Variants in P2RX7 observed in about 807,000 individuals in gnomAD.
The protein encoded by P2RX7 is P2X purinoceptor 7.
P2RX7 carries 62 observed loss-of-function variants against 71.6 expected under a neutral mutation model. The observed-to-expected ratio is 0.87, with a 90% CI of 0.71 to 1.07. P2RX7 has a LOEUF of 1.07. Among genes scored for constraint, P2RX7 ranks in the 50% least tolerant of loss-of-function variants. The pLI, the probability that P2RX7 is intolerant of heterozygous loss-of-function variation, is 0.00. For synonymous variants in P2RX7, 299 were observed against 283.3 expected, an observed-to-expected ratio of 1.06 and a Z score of -0.56; for missense variants, 686 against 748.5, an observed-to-expected ratio of 0.92 and a Z score of 0.97.
chr12:121,180,765 C>G (rs56297690), intron 12 of P2RX7, among the ~76,000 whole-genome samples: 9,978 of 152,030 alleles, frequency 0.066, 509 homozygotes, highest in Non-Finnish European at 0.094. Flanking sequence ...GAGTTCGAGA[C>G]CAACCTAGCC....
chr12:121,142,784 G>A (rs963572432), intron 1 of P2RX7, among the ~76,000 whole-genome samples: 10 of 152,036 alleles, frequency 6.6e-5, no homozygotes, highest in Admixed American at 4.6e-4. Flanking sequence ...GGGTCATCTC[G>A]CCATCTCAAA....
Position 121,184,729 on chromosome 12 carries a change from G to C in P2RX7, c.1715G>C (p.Cys572Ser), listed in dbSNP as rs201354934. 1.3e-4 allele frequency: 195 copies of C among 1,559,240 alleles called. 1 individual carries two copies. Among genetic ancestry groups the C allele is most frequent in the Non-Finnish European group, 1.6e-4 (189 of 1,151,174 alleles). ...GCTGACTTTGCCATCCTGCCCAGCT[G>C]CTGCCGCTGGAGGATCCGGAAAGAG... ...DMADFAILPS[C>S]CRWRIRKEFP... Residue 572 changes from cysteine (C) to serine (S), a missense_variant, in exon 13 of 13, where the codon TGC becomes TCC. Coordinates refer to ENST00000328963, the MANE Select transcript of P2RX7 (RefSeq NM_002562.6).
intron 1 of P2RX7, among the ~76,000 whole-genome samples, chr12:121,136,609 A>G (rs1873733287): frequency 6.7e-6 from 1 of 150,260 alleles, no homozygotes; most frequent in Non-Finnish European, 1.5e-5. Flanking sequence ...GGCATGAGCC[A>G]CTTTGTCTGG....
intron 1 of P2RX7, among the ~76,000 whole-genome samples, chr12:121,141,148 A>G (rs953281566): frequency 7.2e-5 from 11 of 152,236 alleles, no homozygotes; most frequent in African/African-American, 2.7e-4. Context: ...GCCTACTACC[A>G]TCTATCCGCA....
At chr12:121,171,610 A>T (rs1882206934) in intron 8 of P2RX7, among the ~76,000 whole-genome samples, 1 of 152,048 alleles carries the variant, frequency 6.6e-6, no homozygotes, top group Non-Finnish European at 1.5e-5. Context: ...TATCACAGCC[A>T]CTAGGGATTA....
Position 121,165,350 on chromosome 12 carries a change from C to G in P2RX7, c.534-7C>G, listed in dbSNP as rs757259743. On this transcript the variant is annotated splice_region_variant and splice_polypyrimidine_tract_variant and intron_variant, in intron 5 of 12. Transcript: ENST00000328963. ...ACTAATGGCCATTTTGCATGTCTCT[C>G]TCCCAGGCCTGCTCTCTTGAACAGT... The G allele has an allele frequency of 1.2e-6, 2 of 1,613,286 alleles. No homozygotes were observed. The highest frequency in any genetic ancestry group is 2.2e-5 in the South Asian group (2 of 91,070).
chr12:121,154,673 A>G lies in P2RX7; in HGVS notation c.126-112A>G. 1 of 762,464 alleles carries G rather than the reference A, an allele frequency of 1.3e-6. No homozygotes were observed. Among genetic ancestry groups the G allele is most frequent in the South Asian group, 1.4e-5 (1 of 69,484 alleles). The allele number at this position is 762,464 out of a possible 1,614,324, so 47.2% of individuals were successfully genotyped here. On this transcript the variant is annotated intron_variant, in intron 1 of 12. Transcript: ENST00000328963. The surrounding 1 kb of genome is among the most constrained non-coding windows in gnomAD (Gnocchi z 4.2). The stretch of plus-strand genomic sequence containing the variant: ...AGGGAAAACAAGTCACACGGAAGCA[A>G]GTCACGCAGCAGAGCTAGGATTGGA...
At position 121,163,327 on chromosome 12, in the gene P2RX7, T is replaced by TACACACACACACAC. The variant is rs113687409; in HGVS notation, c.533+824_533+837dup. Reference sequence around the variant, plus strand: ...AGGTAAGCCCCATGCATGCCTGGCTTACACACACACACACACACACACACA... The same window carrying TACACACACACACAC: ...AGGTAAGCCCCATGCATGCCTGGCTTACACACACACACACACACACACACACACACACACACACA... On this transcript the variant is annotated intron_variant, in intron 5 of 12. Transcript: ENST00000328963. Among the ~76,000 whole-genome samples the TACACACACACACAC allele has an allele frequency of 2.4e-4, 35 of 145,306 alleles. 1 individual carries two copies. The highest frequency in any genetic ancestry group is 8.5e-4 in the African/African-American group (33 of 39,028).
intron 8 of P2RX7, among the ~76,000 whole-genome samples, chr12:121,169,624 G>T (rs1451144867): frequency 2.0e-5 from 3 of 152,166 alleles, no homozygotes; most frequent in Non-Finnish European, 4.4e-5. Flanking sequence ...ACTTGAGACA[G>T]GCCAGGTGCG....
Position 121,165,453 on chromosome 12 carries a change from G to C in P2RX7, c.614+16G>C, listed in dbSNP as rs772496191. On this transcript the variant is annotated intron_variant, in intron 6 of 12. Transcript: ENST00000328963. ...ACTACACCACGTAAGTGCCCAGGCT[G>C]CCTGGCTGTCTTAGTTATCTACTGC... The C allele has an allele frequency of 6.2e-7, 1 of 1,605,492 alleles. No individual in the cohort carries two copies. The highest frequency in any genetic ancestry group is 2.2e-5 in the East Asian group (1 of 44,854).
At position 121,154,813 on chromosome 12, in the gene P2RX7, C is replaced by T; in HGVS notation, c.154C>T (p.Gln52Ter). 1 of 1,613,934 alleles carries T rather than the reference C, an allele frequency of 6.2e-7. No homozygotes were observed. Among genetic ancestry groups the T allele is most frequent in the Non-Finnish European group, 8.5e-7 (1 of 1,179,784 alleles). Residue 52 changes from glutamine (Q) to a stop codon, truncating the protein, a stop_gained, in exon 2 of 13, where the codon CAG becomes TAG. Transcript: ENST00000328963. LOFTEE classifies it high-confidence loss of function. The surrounding 1 kb of genome is among the most constrained non-coding windows in gnomAD (Gnocchi z 4.2). ...TGCTCTGGTGAGTGACAAGCTGTAC[C>T]AGCGGAAAGAGCCTGTCATCAGTTC... ...CFALVSDKLY[Q>*]RKEPVISSVH...
intron 3 of P2RX7, 71 bp from the exon 4 acceptor site, chr12:121,160,831 A>T: frequency 8.2e-7 from 1 of 1,225,058 alleles, no homozygotes; most frequent in Non-Finnish European, 1.2e-6. Context: ...TCTGGTGGAT[A>T]TCGAATCACT....
chr12:121,169,307 A>G (rs1881710562), intron 8 of P2RX7, among the ~76,000 whole-genome samples: 1 of 151,982 alleles, frequency 6.6e-6, no homozygotes, highest in South Asian at 2.1e-4. Context: ...GTGCTTTTTC[A>G]AAGTCATCTA....
chr12:121,178,403 A>C (rs1250351167), intron 11 of P2RX7, among the ~76,000 whole-genome samples: 5 of 152,220 alleles, frequency 3.3e-5, no homozygotes. Flanking sequence ...TAAATGCTTT[A>C]TCTATTAACT....
intron 1 of P2RX7, among the ~76,000 whole-genome samples, chr12:121,138,306 T>C (rs1281081352): frequency 6.6e-6 from 1 of 152,252 alleles, no homozygotes. Flanking sequence ...ACTCTGTATG[T>C]ACAAGATATC....
At position 121,140,055 on chromosome 12, in the gene P2RX7, G is replaced by A. The variant is rs370324836; in HGVS notation, c.125+6960G>A. On this transcript the variant is annotated intron_variant, in intron 1 of 12. Transcript: ENST00000328963. ...CCTGCCCCTGACTGTCTTCAGAAAA[G>A]TAGAAGCAGGAGGTCTGCCACATTC... Among the ~76,000 whole-genome samples, 24 of 152,320 alleles carry A rather than the reference G, an allele frequency of 1.6e-4. 1 individual carries two copies. In the South Asian group the frequency reaches 4.1e-3, roughly 26 times the overall value.
At chr12:121,167,414 A>C in intron 7 of P2RX7, 74 bp from the exon 8 acceptor site, 1 of 1,561,474 alleles carries the variant, frequency 6.4e-7, no homozygotes, top group Non-Finnish European at 8.8e-7. Flanking sequence ...AATCCTGGCT[A>C]TGCAGGGAGA....
intron 4 of P2RX7, among the ~76,000 whole-genome samples, chr12:121,161,644 C>T (rs1315331277): frequency 9.9e-5 from 15 of 151,906 alleles, no homozygotes; most frequent in South Asian, 4.2e-4. Context: ...ATACAAAAAT[C>T]AGCCAGACAT....
intron 1 of P2RX7, among the ~76,000 whole-genome samples, chr12:121,148,469 C>T (rs1032587365): frequency 1.3e-5 from 2 of 152,080 alleles, no homozygotes; most frequent in Admixed American, 1.3e-4. Context: ...CCTGCCTCAG[C>T]CTCCCAAAGT....
Sources: gnomAD v4.1 joint callset for allele counts (sites outside exome capture counted in the v4.1 genomes callset) on GRCh38, gnomAD v4.1.1 for gene constraint, Gnocchi (gnomAD v3.1) non-coding constraint, MANE v1.5 for transcripts, NCBI Gene and HGNC (gene_info 2026-07-23, HGNC 2026-07-21) for gene names.